The following GRID2 variants were observed in gnomAD, a reference collection of about 807,000 sequenced individuals.
The protein encoded by GRID2 is glutamate ionotropic receptor delta type subunit 2.
A neutral mutation model predicts 114.8 loss-of-function variants in GRID2; 33 were observed. The observed-to-expected ratio is 0.29, with a 90% CI of 0.22 to 0.38. The LOEUF is 0.38. Ranked by LOEUF, GRID2 falls within the 10% of genes least tolerant of loss-of-function variation. The pLI is 1.00. For synonymous variants in GRID2, 505 were observed against 449.9 expected (o/e 1.12, Z -1.55); for missense variants, 1,184 against 1,257.7 (o/e 0.94, Z 0.89).
intron 1 of GRID2, among the ~76,000 whole-genome samples, chr4:92,370,510 C>A (rs1196895380): frequency 6.6e-6 from 1 of 151,920 alleles, no homozygotes; most frequent in African/African-American, 2.4e-5. Context: ...ACTAGCCAGG[C>A]GTGGTGGTGG....
In GRID2 at chr4:93,672,347, G is replaced by A. The variant is rs113199897; in HGVS notation, c.2360+45912G>A. Among the ~76,000 whole-genome samples, 467 of 152,370 alleles carry A rather than the reference G, an allele frequency of 3.1e-3. 2 individuals are homozygous for A. The highest frequency in any genetic ancestry group is 0.01 in the African/African-American group (424 of 41,590). On this transcript the variant is annotated intron_variant, in intron 14 of 15. Transcript: ENST00000282020. Reference sequence around the variant, plus strand: ...GGGAATAGCTGTTTGTGGGGGTGTCGATGGAGTGTGGACATGTACAGCATG... The same window carrying A: ...GGGAATAGCTGTTTGTGGGGGTGTCAATGGAGTGTGGACATGTACAGCATG...
intron 4 of GRID2, among the ~76,000 whole-genome samples, chr4:93,113,628 G>A (rs141208423): frequency 6.6e-6 from 1 of 152,308 alleles, no homozygotes; most frequent in East Asian, 1.9e-4. Flanking sequence ...GCCTGGTGTT[G>A]GAGAAGGAAA....
chr4:93,718,388 T>C (rs917601257), intron 14 of GRID2, among the ~76,000 whole-genome samples: 11 of 152,280 alleles, frequency 7.2e-5, no homozygotes, highest in Non-Finnish European at 1.5e-4. Flanking sequence ...TTAAATAAAA[T>C]GACAACTTTT....
chr4:92,868,089 T>C (rs1745027140), intron 2 of GRID2, among the ~76,000 whole-genome samples: 1 of 149,748 alleles, frequency 6.7e-6, no homozygotes, highest in African/African-American at 2.5e-5. Flanking sequence ...TCTGTCTGTC[T>C]TTCTTTCTTT....
chr4:92,415,438 T>C (rs1213462670), intron 1 of GRID2, among the ~76,000 whole-genome samples: 1 of 151,906 alleles, frequency 6.6e-6, no homozygotes, highest in East Asian at 1.9e-4. Context: ...GTGTACACTG[T>C]ACCTGTGTAG....
intron 3 of GRID2, among the ~76,000 whole-genome samples, chr4:93,101,162 A>G (rs1374851439): frequency 6.6e-6 from 1 of 152,134 alleles, no homozygotes; most frequent in African/African-American, 2.4e-5. Flanking sequence ...TACATATGAC[A>G]TGTACATATC....
chr4:92,971,588 A>G (rs984706341), intron 2 of GRID2, among the ~76,000 whole-genome samples: 4 of 152,050 alleles, frequency 2.6e-5, no homozygotes, highest in African/African-American at 7.2e-5. Context: ...TATACACTAA[A>G]TTATTGTTAA....
intron 2 of GRID2, among the ~76,000 whole-genome samples, chr4:92,631,005 G>A (rs1265119950): frequency 1.1e-4 from 16 of 149,656 alleles, no homozygotes; most frequent in African/African-American, 3.9e-4. Flanking sequence ...GTATTAATGA[G>A]TATAATGAGA....
intron 2 of GRID2, among the ~76,000 whole-genome samples, chr4:92,921,541 C>T (rs1163851572): frequency 2.0e-5 from 3 of 152,144 alleles, no homozygotes; most frequent in African/African-American, 7.2e-5. Flanking sequence ...GAAGTCCTTT[C>T]TGTTTGTTAG....
chr4:92,801,905 A>G (rs1247208620), intron 2 of GRID2, among the ~76,000 whole-genome samples: 2 of 151,882 alleles, frequency 1.3e-5, no homozygotes, highest in African/African-American at 4.8e-5. Context: ...CACAGGTAGT[A>G]TGTAGCATAG....
chr4:93,019,016 C>T (rs1441448547), intron 2 of GRID2, among the ~76,000 whole-genome samples: 1 of 152,084 alleles, frequency 6.6e-6, no homozygotes, highest in East Asian at 1.9e-4. Context: ...TGTGAGTTAT[C>T]TAGCTCAAGA....
intron 4 of GRID2, among the ~76,000 whole-genome samples, chr4:93,146,527 G>T (rs964786493): frequency 6.6e-6 from 1 of 152,016 alleles, no homozygotes; most frequent in African/African-American, 2.4e-5. Flanking sequence ...GGACCCATGT[G>T]CACAAAGAGT....
At chr4:92,861,239 T>A (rs1449309656) in intron 2 of GRID2, among the ~76,000 whole-genome samples, 1 of 152,066 alleles carries the variant, frequency 6.6e-6, no homozygotes, top group Non-Finnish European at 1.5e-5. Context: ...CTGTGGGTCA[T>A]AACTCAGAAA....
At chr4:92,713,470 CAT>C (rs1220909062) in intron 2 of GRID2, among the ~76,000 whole-genome samples, 2 of 74,880 alleles carry the variant, frequency 2.7e-5, no homozygotes, top group African/African-American at 5.1e-5. Context: ...TTTACATATA[CAT>C]ATACATATAT....
At chr4:92,870,064 G>A (rs1745161088) in intron 2 of GRID2, among the ~76,000 whole-genome samples, 3 of 151,796 alleles carry the variant, frequency 2.0e-5, no homozygotes, top group African/African-American at 7.3e-5. Flanking sequence ...AGCCAGGCTT[G>A]GTGGTTCATG....
At chr4:92,851,906 G>T (rs1486843230) in intron 2 of GRID2, among the ~76,000 whole-genome samples, 1 of 151,936 alleles carries the variant, frequency 6.6e-6, no homozygotes, top group East Asian at 1.9e-4. Flanking sequence ...GCAAAAGAAT[G>T]CAGAAAGACT....
chr4:93,750,607 T>A (rs1323470245), intron 14 of GRID2, among the ~76,000 whole-genome samples: 1 of 151,978 alleles, frequency 6.6e-6, no homozygotes, highest in African/African-American at 2.4e-5. Flanking sequence ...ATACAAAAAA[T>A]TAGCAGGGCA....
At chr4:93,132,681 A>T (rs1734909909) in intron 4 of GRID2, among the ~76,000 whole-genome samples, 1 of 152,208 alleles carries the variant, frequency 6.6e-6, no homozygotes, top group African/African-American at 2.4e-5. Flanking sequence ...GCTAAAATGT[A>T]ATTCTAATTG....
intron 2 of GRID2, among the ~76,000 whole-genome samples, chr4:92,709,182 T>G (rs1228940829): frequency 6.6e-6 from 1 of 152,136 alleles, no homozygotes; most frequent in Non-Finnish European, 1.5e-5. Context: ...ACATACAGAT[T>G]AAGCAATGCC....
Sources: gnomAD v4.1 joint callset for allele counts (sites outside exome capture counted in the v4.1 genomes callset) on GRCh38, gnomAD v4.1.1 for gene constraint, MANE v1.5 for transcripts, NCBI Gene and HGNC (gene_info 2026-07-23, HGNC 2026-07-21) for gene names.